The following RAD51B variants were observed in gnomAD, a reference collection of about 807,000 sequenced individuals.
RAD51B encodes the protein DNA repair protein RAD51 homolog 2.
RAD51B carries 38 observed loss-of-function variants against 42.2 expected under a neutral mutation model. The ratio of observed to expected loss-of-function variants is 0.90; its 90% CI spans 0.70 to 1.18. The LOEUF (loss-of-function observed/expected upper bound fraction) is 1.18. Ranked by LOEUF, RAD51B falls within the 50% of genes most tolerant of loss-of-function variation. RAD51B has a pLI of 0.00. For synonymous variants in RAD51B, 154 were observed against 145.2 expected, an observed-to-expected ratio of 1.06 and a Z score of -0.43; for missense variants, 373 against 400.7, an observed-to-expected ratio of 0.93 and a Z score of 0.59.
intron 7 of RAD51B, among the ~76,000 whole-genome samples, chr14:68,237,682 C>T (rs538603708): frequency 6.6e-6 from 1 of 150,712 alleles, no homozygotes; most frequent in East Asian, 1.9e-4. Flanking sequence ...AATAATGCTG[C>T]TGTGAACATT....
At chr14:68,512,105 C>T (rs559075373) in intron 10 of RAD51B, among the ~76,000 whole-genome samples, 1 of 152,314 alleles carries the variant, frequency 6.6e-6, no homozygotes, top group Non-Finnish European at 1.5e-5. Flanking sequence ...AACGCCTGCC[C>T]TCTTGAGTGT....
At chr14:68,658,288 G>T (rs115561332) in intron 11 of RAD51B, among the ~76,000 whole-genome samples, 2,553 of 152,342 alleles carry the variant, frequency 0.017, 59 homozygotes, top group African/African-American at 0.058. Context: ...CCATGTCAGT[G>T]GGGGCTGCCC....
At chr14:68,359,478 G>A (rs867981021) in intron 8 of RAD51B, among the ~76,000 whole-genome samples, 27 of 152,066 alleles carry the variant, frequency 1.8e-4, no homozygotes, top group African/African-American at 6.3e-4. Context: ...GGGGTTGGGG[G>A]AGTCCCTTCT....
rs762452509 is a variant in RAD51B, at chr14:68,543,219, G to A, written c.1037-51266G>A. Among the ~76,000 whole-genome samples the A allele has an allele frequency of 7.4e-4, 113 of 152,292 alleles. 1 individual carries two copies. Among genetic ancestry groups the A allele is most frequent in the Non-Finnish European group, 1.2e-3 (81 of 68,026 alleles). Reference sequence around the variant, plus strand: ...AAAAAAAATTTCTTTACAAAAATAGGTAGTGGGCTGGATTTGGTCCTTGGG... The same window carrying A: ...AAAAAAAATTTCTTTACAAAAATAGATAGTGGGCTGGATTTGGTCCTTGGG... On this transcript the variant is annotated intron_variant, in intron 10 of 10. Coordinates refer to the RAD51B transcript ENST00000487270.
At chr14:68,155,101 A>G (rs12880237) in intron 7 of RAD51B, among the ~76,000 whole-genome samples, 83,070 of 151,968 alleles carry the variant, frequency 0.55, 25,180 homozygotes, top group East Asian at 0.75. Context: ...AGACATGTAC[A>G]AGCTACTAGA....
In RAD51B at chr14:68,198,978, T is replaced by C. The variant is rs571656867; in HGVS notation, c.757-92906T>C. Reference sequence around the variant, plus strand: ...AGTTTTCTGCCTGTTGTCTGCCCTTTGGAGTCATGGAGATGAGTTTGCCCT... The same window carrying C: ...AGTTTTCTGCCTGTTGTCTGCCCTTCGGAGTCATGGAGATGAGTTTGCCCT... On this transcript the variant is annotated intron_variant, in intron 7 of 10. Coordinates refer to ENST00000471583, the MANE Select transcript of RAD51B (RefSeq NM_133510.4). Among the ~76,000 whole-genome samples, 80 of 152,342 alleles carry C rather than the reference T, an allele frequency of 5.3e-4. 2 individuals carry two copies. The South Asian group carries it at 8.5e-3, about 16-fold the overall frequency.
intron 7 of RAD51B, among the ~76,000 whole-genome samples, chr14:68,213,367 A>G (rs1319953506): frequency 6.6e-6 from 1 of 152,236 alleles, no homozygotes; most frequent in Non-Finnish European, 1.5e-5. Context: ...CAAGTCCCAC[A>G]GCCAATAAGA....
chr14:68,636,393 G>A (rs1196150913), intron 10 of RAD51B, among the ~76,000 whole-genome samples: 1 of 152,030 alleles, frequency 6.6e-6, no homozygotes, highest in Non-Finnish European at 1.5e-5. Context: ...GACCAGCCTG[G>A]CCAACATGGT....
chr14:68,546,941 G>A (rs1308502244), intron 10 of RAD51B, among the ~76,000 whole-genome samples: 4 of 152,234 alleles, frequency 2.6e-5, no homozygotes, highest in African/African-American at 7.2e-5. Flanking sequence ...CAGTTTATCA[G>A]GACTTTCTCC....
At chr14:68,457,102 A>C (rs1312692548) in intron 9 of RAD51B, among the ~76,000 whole-genome samples, 1 of 151,426 alleles carries the variant, frequency 6.6e-6, no homozygotes, top group African/African-American at 2.4e-5. Context: ...TAGTAGAGAC[A>C]GGGTTTTGCC....
chr14:68,414,449 G>A (rs1031652493), intron 9 of RAD51B, among the ~76,000 whole-genome samples: 2 of 151,920 alleles, frequency 1.3e-5, no homozygotes, highest in African/African-American at 4.8e-5. Context: ...AATTAAAATG[G>A]CCTCTCCTAC....
intron 7 of RAD51B, among the ~76,000 whole-genome samples, chr14:68,016,939 C>G (rs964288173): frequency 6.6e-6 from 1 of 151,934 alleles, no homozygotes; most frequent in Non-Finnish European, 1.5e-5. Context: ...AGAAAGAATG[C>G]TAAATATCTA....
intron 7 of RAD51B, among the ~76,000 whole-genome samples, chr14:68,270,184 A>C (rs1156706226): frequency 2.6e-5 from 4 of 152,222 alleles, no homozygotes; most frequent in Non-Finnish European, 5.9e-5. Context: ...GATCCAGCCC[A>C]AAACAGGAGA....
At chr14:68,315,458 G>A (rs1273938549) in intron 8 of RAD51B, among the ~76,000 whole-genome samples, 1 of 152,166 alleles carries the variant, frequency 6.6e-6, no homozygotes, top group Non-Finnish European at 1.5e-5. Context: ...TTTAGTATGT[G>A]TAAATAATAA....
chr14:68,645,200 T>C (rs1892539892), intron 10 of RAD51B, among the ~76,000 whole-genome samples: 1 of 152,232 alleles, frequency 6.6e-6, no homozygotes, highest in South Asian at 2.1e-4. Flanking sequence ...ACTTTCTGTC[T>C]CTGTGATTTT....
chr14:68,463,788 C>T lies in RAD51B; in HGVS notation c.958-4384C>T, dbSNP rs2085907130. On this transcript the variant is annotated intron_variant, in intron 9 of 10. Transcript: ENST00000471583. ...TTGATTGCTTTGGGCCTCTAACCAC[C>T]TTCTTGTTTGTCATTTTTTCTTTTG... is the stretch of plus-strand genomic sequence containing the variant. Among the ~76,000 whole-genome samples the T allele has an allele frequency of 2.0e-5, 3 of 152,274 alleles. No individual in the cohort carries two copies. In the South Asian group the frequency reaches 6.2e-4, roughly 32 times the overall value.
At chr14:67,958,791 C>A (rs187431079) in intron 7 of RAD51B, among the ~76,000 whole-genome samples, 1 of 152,150 alleles carries the variant, frequency 6.6e-6, no homozygotes, top group Non-Finnish European at 1.5e-5. Flanking sequence ...TGTAAACTTG[C>A]ATCACTCTAA....
At chr14:68,043,730 ATAAG>A (rs938904185) in intron 7 of RAD51B, among the ~76,000 whole-genome samples, 1 of 152,234 alleles carries the variant, frequency 6.6e-6, no homozygotes, top group African/African-American at 2.4e-5. Flanking sequence ...AGGCTTTCTG[ATAAG>A]TAAGTAGGGA....
At chr14:68,071,540 C>G (rs751724909) in intron 7 of RAD51B, among the ~76,000 whole-genome samples, 30 of 152,062 alleles carry the variant, frequency 2.0e-4, no homozygotes, top group Non-Finnish European at 3.4e-4. Context: ...TTTTAGTTCT[C>G]TTTATATGAT....
Sources: gnomAD v4.1 joint callset for allele counts (sites outside exome capture counted in the v4.1 genomes callset) on GRCh38, gnomAD v4.1.1 for gene constraint, MANE v1.5 for transcripts, NCBI Gene and HGNC (gene_info 2026-07-23, HGNC 2026-07-21) for gene names.